RP9: variants seen among roughly 807,000 people sequenced by gnomAD.
RP9 encodes RP9 pre-mRNA splicing factor.
In RP9, 23 loss-of-function variants were observed where a neutral mutation model predicts 32.6. That is an observed-to-expected ratio of 0.71 (90% confidence interval 0.51 to 1.00). The LOEUF (loss-of-function observed/expected upper bound fraction) is 1.00, where lower values mean the gene tolerates loss of function less well. Ranked by LOEUF, RP9 falls within the 50% of genes least tolerant of loss-of-function variation. RP9 has a pLI of 0.00. For synonymous variants in RP9, 94 were observed against 103.6 expected (o/e 0.91, Z 0.56); for missense variants, 245 against 285.3 (o/e 0.86, Z 1.02).
chr7:33,098,141 T>C (rs867154430), intron 3 of RP9, among the ~76,000 whole-genome samples: 4 of 152,192 alleles, frequency 2.6e-5, no homozygotes, highest in Non-Finnish European at 5.9e-5. Flanking sequence ...ATCCTAGCAC[T>C]TTGGGAGGCA....
chr7:33,100,675 C>T (rs1375593446), intron 1 of RP9, 114 bp from the exon 2 acceptor site: 1 of 842,796 alleles, frequency 1.2e-6, no homozygotes, highest in South Asian at 1.4e-5. Context: ...CAACAATAAG[C>T]TTTTATCACT....
At chr7:33,099,939 T>G (rs1020100459) in intron 2 of RP9, among the ~76,000 whole-genome samples, 10 of 152,368 alleles carry the variant, frequency 6.6e-5, no homozygotes, top group Non-Finnish European at 1.5e-4. Context: ...TTCAAACTTT[T>G]GGATTTTTTT....
intron 5 of RP9, 32 bp from the exon 6 acceptor site, chr7:33,095,464 A>G (rs1240059263): frequency 6.2e-7 from 1 of 1,612,486 alleles, no homozygotes; most frequent in African/African-American, 1.3e-5. Context: ...AAGAACAGTG[A>G]GTTTTAGCTT....
chr7:33,108,796 T>C (rs1442722473), intron 1 of RP9, among the ~76,000 whole-genome samples: 1 of 152,138 alleles, frequency 6.6e-6, no homozygotes, highest in Non-Finnish European at 1.5e-5. Flanking sequence ...TAATTAAAAG[T>C]TTTTCTCCTG....
At chr7:33,095,567 C>T (rs1307985175) in intron 5 of RP9, 135 bp from the exon 6 acceptor site, 1 of 1,457,886 alleles carries the variant, frequency 6.9e-7, no homozygotes, top group Non-Finnish European at 9.2e-7. Context: ...TTTATTTTTA[C>T]CTGTTTTCTC....
chr7:33,099,512 G>A, intron 2 of RP9, 76 bp from the exon 3 acceptor site: 1 of 1,578,442 alleles, frequency 6.3e-7, no homozygotes, highest in Non-Finnish European at 8.7e-7. Context: ...AGCCACCCTT[G>A]CCTGGCTTTT....
chr7:33,100,466 T>G (rs530035959), intron 2 of RP9, 65 bp downstream of exon 2: 1 of 1,325,752 alleles, frequency 7.5e-7, no homozygotes, highest in African/African-American at 1.4e-5. Flanking sequence ...TTATTTTTCA[T>G]AACAAGTTAC....
chr7:33,098,103 T>C (rs1434533742), intron 3 of RP9, among the ~76,000 whole-genome samples: 2 of 152,032 alleles, frequency 1.3e-5, no homozygotes, highest in African/African-American at 2.4e-5. Flanking sequence ...ATATTAATGG[T>C]GGCTGGGCAC....
At chr7:33,107,836 T>C (rs990722706) in intron 1 of RP9, among the ~76,000 whole-genome samples, 1 of 152,180 alleles carries the variant, frequency 6.6e-6, no homozygotes, top group Non-Finnish European at 1.5e-5. Flanking sequence ...ATAACCAGAA[T>C]AGGTCCAGAG....
chr7:33,095,763 G>T (rs1459883883), intron 5 of RP9, among the ~76,000 whole-genome samples: 1 of 151,948 alleles, frequency 6.6e-6, no homozygotes, highest in Non-Finnish European at 1.5e-5. Flanking sequence ...ATCTTTAACA[G>T]TTATAATGCC....
chr7:33,103,572 G>C (rs983152586), intron 1 of RP9, among the ~76,000 whole-genome samples: 3 of 152,100 alleles, frequency 2.0e-5, no homozygotes, highest in Admixed American at 6.6e-5. Context: ...CCAGCACTTT[G>C]GGAGGCTTAA....
intron 1 of RP9, among the ~76,000 whole-genome samples, chr7:33,106,522 T>A (rs1339358381): frequency 1.3e-5 from 2 of 152,164 alleles, no homozygotes; most frequent in Admixed American, 1.3e-4. Context: ...CAAAAATTGC[T>A]ATGATGGAAC....
intron 1 of RP9, among the ~76,000 whole-genome samples, chr7:33,103,241 G>T (rs28654432): frequency 0.51 from 77,512 of 151,920 alleles, 20,181 homozygotes; most frequent in African/African-American, 0.61. Flanking sequence ...CCCAACACTT[G>T]AAGGAGGCTG....
chr7:33,103,511 C>T (rs4083278), intron 1 of RP9, among the ~76,000 whole-genome samples: 3,609 of 152,246 alleles, frequency 0.024, 102 homozygotes, highest in East Asian at 0.13. Context: ...AGCTGTATAG[C>T]GCCTACTCTT....
Position 33,100,577 on chromosome 7 carries a change from C to T in RP9, c.153-16G>A, listed in dbSNP as rs775295369. 9 of 1,610,626 alleles carry T rather than the reference C, an allele frequency of 5.6e-6. No individual in the cohort carries two copies. The highest frequency in any genetic ancestry group is 1.7e-5 in the Admixed American group (1 of 60,016). On this transcript the variant is annotated splice_polypyrimidine_tract_variant and intron_variant, in intron 1 of 5. Transcript: ENST00000297157. ...TTTTTCGTAACTGGAAAACAAAAAA[C>T]AAAACCTTATCAACCATGTTAATGT...
intron 2 of RP9, chr7:33,100,202 G>T: frequency 2.5e-6 from 1 of 397,916 alleles, no homozygotes; most frequent in Non-Finnish European, 4.7e-6. Flanking sequence ...AACCAGCAGA[G>T]GATGGACCGA....
At chr7:33,103,389 C>G (rs1788455520) in intron 1 of RP9, among the ~76,000 whole-genome samples, 1 of 152,214 alleles carries the variant, frequency 6.6e-6, no homozygotes, top group Non-Finnish European at 1.5e-5. Flanking sequence ...ATTTGGAAGT[C>G]TCTTGATAAA....
At chr7:33,102,506 G>A (rs1365152255) in intron 1 of RP9, among the ~76,000 whole-genome samples, 1 of 152,158 alleles carries the variant, frequency 6.6e-6, no homozygotes, top group Non-Finnish European at 1.5e-5. Flanking sequence ...AAAAAAAGTT[G>A]ATTGAGATGC....
chr7:33,105,644 C>T (rs563467292), intron 1 of RP9, among the ~76,000 whole-genome samples: 1 of 152,232 alleles, frequency 6.6e-6, no homozygotes, highest in African/African-American at 2.4e-5. Flanking sequence ...GATCAGGACC[C>T]CTCATTCCAG....
Sources: gnomAD v4.1 joint callset for allele counts (sites outside exome capture counted in the v4.1 genomes callset) on GRCh38, gnomAD v4.1.1 for gene constraint, MANE v1.5 for transcripts, NCBI Gene and HGNC (gene_info 2026-07-23, HGNC 2026-07-21) for gene names.